SECISBP2: variants seen among roughly 807,000 people sequenced by gnomAD.
SECISBP2 encodes the protein SECIS binding protein 2, also known as selenocysteine insertion sequence-binding protein 2.
A neutral mutation model predicts 98.2 loss-of-function variants in SECISBP2; 96 were observed. That is an observed-to-expected ratio of 0.98 (90% CI 0.83 to 1.16). The LOEUF (loss-of-function observed/expected upper bound fraction) is 1.16, where lower values mean the gene tolerates loss of function less well. SECISBP2 is among the 50% of genes most tolerant of loss of function. The pLI, the probability that SECISBP2 is intolerant of heterozygous loss-of-function variation, is 0.00. For missense variants in SECISBP2, 1,046 were observed against 1,022.9 expected, an observed-to-expected ratio of 1.02 and a Z score of -0.31; for synonymous variants, 407 against 370.2, an observed-to-expected ratio of 1.10 and a Z score of -1.14.
At chr9:89,354,709 A>G (rs2132049596) in intron 14 of SECISBP2, 1 of 950,322 alleles carries the variant, frequency 1.1e-6, no homozygotes, top group Non-Finnish European at 1.3e-6. Flanking sequence ...GGCCAACCTG[A>G]CAGGCAGCCT....
chr9:89,338,396 GTATTAAACATTC>G, intron 7 of SECISBP2, 50 bp from the exon 8 acceptor site: 1 of 1,581,536 alleles, frequency 6.3e-7, no homozygotes, highest in Non-Finnish European at 8.6e-7. Context: ...TTGATACATA[GTATTAAACATTC>G]TATTGACCGC....
intron 5 of SECISBP2, chr9:89,330,042 A>T (rs1827489967): frequency 6.6e-6 from 1 of 152,212 alleles, no homozygotes; most frequent in African/African-American, 2.4e-5. Context: ...TCATTTCATT[A>T]TGATGTTGAT....
intron 10 of SECISBP2, among the ~76,000 whole-genome samples, chr9:89,344,098 T>C (rs1050824436): frequency 6.6e-6 from 1 of 152,260 alleles, no homozygotes; most frequent in Non-Finnish European, 1.5e-5. Context: ...CTCGTATGCT[T>C]GTTGGCCACG....
intron 5 of SECISBP2, among the ~76,000 whole-genome samples, chr9:89,331,067 G>C (rs1827675438): frequency 6.6e-6 from 1 of 152,086 alleles, no homozygotes; most frequent in Non-Finnish European, 1.5e-5. Context: ...AGTAATGTCT[G>C]AAAATGACAA....
intron 5 of SECISBP2, among the ~76,000 whole-genome samples, chr9:89,331,271 A>G (rs1041783782): frequency 1.3e-5 from 2 of 152,284 alleles, no homozygotes; most frequent in Admixed American, 6.5e-5. Context: ...AGCAACTTGC[A>G]TTGGATCTCT....
downstream of SECISBP2, chr9:89,363,566 G>T: frequency 6.2e-7 from 1 of 1,611,810 alleles, no homozygotes; most frequent in Non-Finnish European, 8.5e-7. Flanking sequence ...AAGCTCTGTG[G>T]GCCTTTATGG....
chr9:89,328,391 A>G (rs1417504833), intron 4 of SECISBP2, among the ~76,000 whole-genome samples: 2 of 152,022 alleles, frequency 1.3e-5, no homozygotes, highest in African/African-American at 4.8e-5. Flanking sequence ...AGACCATCAT[A>G]TGTGGCGCGT....
intron 8 of SECISBP2, among the ~76,000 whole-genome samples, chr9:89,339,059 C>G (rs763021918): frequency 1.1e-4 from 17 of 152,192 alleles, no homozygotes; most frequent in Non-Finnish European, 1.5e-5. Flanking sequence ...TTTAATTGTT[C>G]CATGATACTC....
chr9:89,363,390 G>C, downstream of SECISBP2: 1 of 1,602,562 alleles, frequency 6.2e-7, no homozygotes, highest in South Asian at 1.1e-5. Flanking sequence ...CCTGCCCCTG[G>C]CTCCAGCCCT....
At chr9:89,320,265 A>T (rs900108584) in intron 2 of SECISBP2, among the ~76,000 whole-genome samples, 2 of 151,198 alleles carry the variant, frequency 1.3e-5, no homozygotes, top group Non-Finnish European at 2.9e-5. Flanking sequence ...CTGGGGCAGC[A>T]GAATCCTTTG....
downstream of SECISBP2, chr9:89,359,755 G>T (rs1417725758): frequency 6.6e-6 from 1 of 152,082 alleles, no homozygotes; most frequent in Admixed American, 6.6e-5. Flanking sequence ...AATAAAAGGG[G>T]GCCGCGTAGT....
intron 5 of SECISBP2, 134 bp from the exon 6 acceptor site, chr9:89,332,774 T>C (rs1354231620): frequency 6.9e-6 from 5 of 729,556 alleles, no homozygotes; most frequent in Non-Finnish European, 1.2e-5. Context: ...CCAAAGTGGC[T>C]GTAACGTTTT....
the SECISBP2 span, among the ~76,000 whole-genome samples, chr9:89,366,261 G>A: frequency 1.3e-5 from 2 of 152,340 alleles, no homozygotes; most frequent in East Asian, 3.9e-4. Flanking sequence ...GATGCTGGTG[G>A]TAACTACCTC....
chr9:89,319,099 A>G (rs1825229320), intron 1 of SECISBP2: 1 of 956,276 alleles, frequency 1.0e-6, no homozygotes, highest in Non-Finnish European at 1.3e-6. Context: ...TAAAAACTAA[A>G]GAAAGAAATC....
rs1162917096 is a variant in SECISBP2 at position 89,338,485 on chromosome 9, G to A, written c.1117G>A (p.Glu373Lys). 1 of 1,613,350 alleles carries A rather than the reference G, an allele frequency of 6.2e-7. No individual in the cohort carries two copies. The highest frequency in any genetic ancestry group is 8.5e-7 in the Non-Finnish European group (1 of 1,179,904). Reference sequence around the variant, plus strand: ...TAAAGCATCACAAGGTAGTGACCTTGAACAAAATGAAGCCTCAAGAAAGAA... The same window carrying A: ...TAAAGCATCACAAGGTAGTGACCTTAAACAAAATGAAGCCTCAAGAAAGAA... ...KSKASQGSDL[E>K]QNEASRKNKK... Residue 373 changes from glutamate (E) to lysine (K), a missense_variant, in exon 8 of 17, where the codon GAA becomes AAA. By Grantham distance (56) the Glu-to-Lys change is moderately conservative (BLOSUM62 1). Transcript: ENST00000375807.
chr9:89,335,830 T>G lies in SECISBP2; in HGVS notation c.1089+1100T>G, dbSNP rs913943302. ...CGACTTAAAATATCTGTGAGCCATT[T>G]TGAATTCTTTAAAGAAGAAACGTTG... On this transcript the variant is annotated intron_variant, in intron 7 of 16. Transcript: ENST00000375807. 1.8e-4 allele frequency among the ~76,000 whole-genome samples: 27 copies of G among 152,346 alleles called. 2 individuals are homozygous for G. The South Asian group carries it at 5.4e-3, about 30-fold the overall frequency.
At chr9:89,334,284 A>G (rs1177644967) in intron 6 of SECISBP2, 9 of 1,039,654 alleles carry the variant, frequency 8.7e-6, no homozygotes, top group Non-Finnish European at 1.2e-5. Context: ...CCCAGGTTAA[A>G]AAACCAGTTT....
chr9:89,338,709 A>G, intron 8 of SECISBP2, 129 bp downstream of exon 8: 10 of 982,336 alleles, frequency 1.0e-5, no homozygotes, highest in Non-Finnish European at 1.3e-5. Context: ...TTGTAGTGCT[A>G]AAGAAAACAG....
At chr9:89,364,510 C>G (rs1455110777), downstream of SECISBP2, 7 of 183,680 alleles carry the variant, frequency 3.8e-5, no homozygotes, top group Admixed American at 5.3e-5. Context: ...GAGCTCAGAC[C>G]CTGGCAGGGG....
Sources: allele counts gnomAD v4.1 joint callset (sites outside exome capture counted in the v4.1 genomes callset), GRCh38; gene constraint gnomAD v4.1.1; transcripts MANE v1.5; gene names NCBI Gene and HGNC (gene_info 2026-07-23, HGNC 2026-07-21).